SP100: variants seen among roughly 807,000 people sequenced by gnomAD.
SP100 encodes the protein nuclear autoantigen Sp-100.
Under a neutral mutation model 130.0 loss-of-function variants are expected in SP100, and 84 were observed. The observed-to-expected ratio is 0.65, with a 90% CI of 0.54 to 0.77. The LOEUF is 0.77. Ranked by LOEUF, SP100 falls within the 30% of genes least tolerant of loss-of-function variation. The probability of loss-of-function intolerance (pLI) is 0.00; values close to 1 mark genes in which losing one functional copy is unlikely to be tolerated. For missense variants in SP100, 978 were observed against 1,052.2 expected (o/e 0.93, Z 0.97); for synonymous variants, 331 against 351.7 (o/e 0.94, Z 0.66).
At position 230,543,687 on chromosome 2, in the gene SP100, T is replaced by A. The variant is rs1366408053; in HGVS notation, c.*741T>A. ...CACAAACAAATGGAAAAACATCCCATGCTCCTGTGTAGAAACAGTCAATAT... is the reference window on the plus strand; with the variant it reads ...CACAAACAAATGGAAAAACATCCCAAGCTCCTGTGTAGAAACAGTCAATAT... On this transcript the variant is annotated 3_prime_UTR_variant, in exon 29 of 29. Transcript: ENST00000340126. The A allele has an allele frequency of 6.6e-6, 1 of 152,176 alleles. No individual in the cohort carries two copies. Among genetic ancestry groups the A allele is most frequent in the East Asian group, 1.9e-4 (1 of 5,198 alleles). The allele number at this position is 152,176 out of a possible 1,614,324, so 9.4% of individuals were successfully genotyped here.
At chr2:230,515,156 G>T (rs1234158969) in intron 24 of SP100, 1 of 1,613,446 alleles carries the variant, frequency 6.2e-7, no homozygotes. Context: ...TTAAAGAAGT[G>T]CTCAGAGACA....
chr2:230,431,222 C>T (rs1007519738), intron 2 of SP100, among the ~76,000 whole-genome samples: 1 of 152,218 alleles, frequency 6.6e-6, no homozygotes, highest in African/African-American at 2.4e-5. Context: ...TAATCAAACC[C>T]AGGTGGTCCA....
intron 20 of SP100, among the ~76,000 whole-genome samples, chr2:230,503,608 G>A (rs980798863): frequency 1.1e-4 from 16 of 152,046 alleles, no homozygotes; most frequent in South Asian, 6.2e-4. Flanking sequence ...TGAATGCTTC[G>A]TCAATCTCTC....
intron 22 of SP100, chr2:230,506,824 C>CACACACACACACAT (rs531043915): frequency 2.6e-5 from 4 of 151,758 alleles, no homozygotes; most frequent in Non-Finnish European, 5.8e-5. Flanking sequence ...CACACACACA[C>CACACACACACACAT]ATATTTAACA....
chr2:230,469,019 AT>A lies in SP100; in HGVS notation c.1292-21del, dbSNP rs536219687. ...TAGATCTTTTAGTTAGATATTATTG[AT>A]TTGGTTTTCCTTTACTTTCTAGCTC... On this transcript the variant is annotated intron_variant, in intron 13 of 28. Coordinates refer to ENST00000340126, the MANE Select transcript of SP100 (RefSeq NM_001080391.2). The A allele has an allele frequency of 3.5e-5, 51 of 1,470,594 alleles. No homozygotes were observed. The African/African-American group carries it at 6.7e-4, about 19-fold the overall frequency. 91.1% of individuals were successfully genotyped at this position (1,470,594 alleles called of 1,614,324 possible).
intron 2 of SP100, among the ~76,000 whole-genome samples, chr2:230,430,108 G>A (rs756140419): frequency 3.7e-4 from 56 of 152,224 alleles, no homozygotes; most frequent in African/African-American, 8.9e-4. Context: ...AGTTTGTTTC[G>A]GCAGGGAAAG....
chr2:230,446,675 G>T, intron 4 of SP100, 144 bp from the exon 5 acceptor site: 1 of 582,544 alleles, frequency 1.7e-6, no homozygotes, highest in Non-Finnish European at 3.1e-6. Flanking sequence ...CTGTCCCAGG[G>T]GATGACGGGA....
At chr2:230,503,008 TAA>T in intron 19 of SP100, 56 bp from the exon 20 acceptor site, 1 of 1,299,420 alleles carries the variant, frequency 7.7e-7, no homozygotes, top group Non-Finnish European at 1.1e-6. Flanking sequence ...GGTGGTTTTG[TAA>T]AACACTACTA....
At chr2:230,454,067 A>C (rs2064146724) in intron 8 of SP100, among the ~76,000 whole-genome samples, 1 of 152,132 alleles carries the variant, frequency 6.6e-6, no homozygotes, top group South Asian at 2.1e-4. Flanking sequence ...TAGGTTATCC[A>C]ATTTGTTGGC....
At chr2:230,458,909 G>T (rs1220671146) in intron 8 of SP100, among the ~76,000 whole-genome samples, 1 of 152,166 alleles carries the variant, frequency 6.6e-6, no homozygotes, top group Non-Finnish European at 1.5e-5. Flanking sequence ...ACTCAAAGCA[G>T]GTAGGAAATG....
chr2:230,536,499 C>T (rs1691946811), intron 24 of SP100, among the ~76,000 whole-genome samples: 1 of 152,144 alleles, frequency 6.6e-6, no homozygotes, highest in Non-Finnish European at 1.5e-5. Flanking sequence ...GTCAGACCCC[C>T]ACATAACATC....
At chr2:230,519,367 T>A (rs1691064160) in intron 24 of SP100, among the ~76,000 whole-genome samples, 1 of 152,188 alleles carries the variant, frequency 6.6e-6, no homozygotes. Context: ...TAGTCTTGGG[T>A]CAGAAAAAAT....
At chr2:230,472,885 C>T (rs1678167) in intron 15 of SP100, among the ~76,000 whole-genome samples, 35,543 of 152,052 alleles carry the variant, frequency 0.23, 5,028 homozygotes, top group Middle Eastern at 0.33. Flanking sequence ...TCACCACCCA[C>T]AACCTCATGA....
chr2:230,524,195 A>AAAAAAAAAAAAAAT (rs1559534582), intron 24 of SP100, among the ~76,000 whole-genome samples: 2 of 143,234 alleles, frequency 1.4e-5, no homozygotes, highest in African/African-American at 2.5e-5. Flanking sequence ...AAAAAAAAAA[A>AAAAAAAAAAAAAAT]AAAAAAGAAA....
At chr2:230,484,884 T>C in intron 17 of SP100, among the ~76,000 whole-genome samples, 1 of 152,092 alleles carries the variant, frequency 6.6e-6, no homozygotes. Context: ...ATTCAACTGG[T>C]GTCTTTTTTT....
intron 18 of SP100, among the ~76,000 whole-genome samples, chr2:230,497,133 T>C (rs900220013): frequency 2.0e-5 from 3 of 152,084 alleles, no homozygotes; most frequent in African/African-American, 4.8e-5. Flanking sequence ...AAAGAATAAT[T>C]ACAAAGGAAG....
intron 20 of SP100, 52 bp from the exon 21 acceptor site, chr2:230,504,134 A>G (rs1043584135): frequency 4.2e-6 from 4 of 947,778 alleles, no homozygotes; most frequent in South Asian, 1.4e-5. Flanking sequence ...GGGGAGGGAC[A>G]ATGCACAGTT....
intron 18 of SP100, among the ~76,000 whole-genome samples, chr2:230,497,557 GAAA>G (rs2066759440): frequency 1.5e-5 from 1 of 67,186 alleles, no homozygotes; most frequent in Non-Finnish European, 3.5e-5. Flanking sequence ...GAAAGGAAAG[GAAA>G]GGAAAGGAAA....
At chr2:230,442,070 GTAACA>G (rs2063493148) in intron 2 of SP100, among the ~76,000 whole-genome samples, 1 of 152,010 alleles carries the variant, frequency 6.6e-6, no homozygotes, top group African/African-American at 2.4e-5. Flanking sequence ...AAACAATAAT[GTAACA>G]TTATTGTTTC....
Sources: allele counts gnomAD v4.1 joint callset (sites outside exome capture counted in the v4.1 genomes callset), GRCh38; gene constraint gnomAD v4.1.1; transcripts MANE v1.5; gene names NCBI Gene and HGNC (gene_info 2026-07-23, HGNC 2026-07-21).